Variants in SLCO1A2 observed in about 807,000 individuals in gnomAD.
SLCO1A2 encodes solute carrier organic anion transporter family member 1A2.
In SLCO1A2, 67 loss-of-function variants were observed where a neutral mutation model predicts 69.0. The observed-to-expected ratio is 0.97, with a 90% CI of 0.80 to 1.19. The LOEUF (loss-of-function observed/expected upper bound fraction) is 1.19. Ranked by LOEUF, SLCO1A2 falls within the 50% of genes most tolerant of loss-of-function variation. The pLI is 0.00. For missense variants in SLCO1A2, 787 were observed against 793.7 expected (o/e 0.99, Z 0.10); for synonymous variants, 260 against 265.9 (o/e 0.98, Z 0.22).
intron 5 of SLCO1A2, among the ~76,000 whole-genome samples, chr12:21,305,616 G>A (rs1016418359): frequency 6.6e-6 from 1 of 152,242 alleles, no homozygotes; most frequent in Non-Finnish European, 1.5e-5. Flanking sequence ...TCCTGGAGAT[G>A]TGCCAGAATG....
intron 2 of SLCO1A2, among the ~76,000 whole-genome samples, chr12:21,340,610 C>T (rs1953035436): frequency 1.3e-5 from 2 of 151,988 alleles, no homozygotes; most frequent in Admixed American, 1.3e-4. Flanking sequence ...CCAGTGACCA[C>T]ATGGAAAGTC....
intron 2 of SLCO1A2, among the ~76,000 whole-genome samples, chr12:21,329,465 T>C (rs6487216): frequency 0.31 from 47,645 of 151,608 alleles, 7,629 homozygotes; most frequent in East Asian, 0.35. Flanking sequence ...CATTTAGCAA[T>C]TACAGATAAC....
At chr12:21,401,442 G>A (rs564615882) in intron 1 of SLCO1A2, among the ~76,000 whole-genome samples, 2 of 151,636 alleles carry the variant, frequency 1.3e-5, no homozygotes, top group South Asian at 2.1e-4. Context: ...TTATATTGAA[G>A]GTCATCTTGC....
chr12:21,349,298 T>G (rs566263047), intron 2 of SLCO1A2, among the ~76,000 whole-genome samples: 1 of 152,222 alleles, frequency 6.6e-6, no homozygotes, highest in East Asian at 1.9e-4. Flanking sequence ...AGATAGAGAC[T>G]CTTAAGAGCA....
intron 2 of SLCO1A2, among the ~76,000 whole-genome samples, chr12:21,348,149 T>A (rs915685927): frequency 2.0e-5 from 3 of 152,188 alleles, no homozygotes; most frequent in African/African-American, 7.2e-5. Context: ...GTTTATGGGG[T>A]ACATGAGAAG....
intron 1 of SLCO1A2, among the ~76,000 whole-genome samples, chr12:21,390,739 T>C (rs1463848497): frequency 1.3e-5 from 2 of 152,302 alleles, no homozygotes; most frequent in South Asian, 2.1e-4. Flanking sequence ...TTGACTCAAA[T>C]AGGAGATATC....
intron 12 of SLCO1A2, among the ~76,000 whole-genome samples, chr12:21,291,824 C>A (rs1050889457): frequency 1.3e-5 from 2 of 152,082 alleles, no homozygotes; most frequent in African/African-American, 4.8e-5. Flanking sequence ...GAAATGGCTG[C>A]TAGGCACCCA....
chr12:21,357,361 CCAA>C (rs1283616598), intron 2 of SLCO1A2, among the ~76,000 whole-genome samples: 2 of 152,132 alleles, frequency 1.3e-5, no homozygotes, highest in African/African-American at 4.8e-5. Context: ...CTTCTCCAAA[CCAA>C]CAAGATTGCC....
At chr12:21,290,273 A>G (rs1946638494) in intron 12 of SLCO1A2, among the ~76,000 whole-genome samples, 1 of 152,052 alleles carries the variant, frequency 6.6e-6, no homozygotes, top group Non-Finnish European at 1.5e-5. Context: ...CAAGTAATCT[A>G]TGGAATCTAC....
At chr12:21,315,800 C>A (rs1340661349) in intron 3 of SLCO1A2, among the ~76,000 whole-genome samples, 1 of 152,118 alleles carries the variant, frequency 6.6e-6, no homozygotes, top group Non-Finnish European at 1.5e-5. Context: ...TGTTTGAAAT[C>A]CATATCTGTT....
chr12:21,308,617 TA>T (rs988555161), intron 4 of SLCO1A2, among the ~76,000 whole-genome samples: 1 of 152,090 alleles, frequency 6.6e-6, no homozygotes, highest in Non-Finnish European at 1.5e-5. Flanking sequence ...GGTATTAAGT[TA>T]AAAAAATCTA....
upstream of SLCO1A2, among the ~76,000 whole-genome samples, chr12:21,336,087 C>A (rs1952878290): frequency 6.6e-6 from 1 of 152,038 alleles, no homozygotes; most frequent in African/African-American, 2.4e-5. Context: ...GGTTATTGTT[C>A]TGAACTGCCC....
chr12:21,329,879 TATTTA>T (rs1952495554), intron 2 of SLCO1A2, among the ~76,000 whole-genome samples: 1 of 151,134 alleles, frequency 6.6e-6, no homozygotes, highest in African/African-American at 2.4e-5. Context: ...AAATAGGAGT[TATTTA>T]ATTTAACATA....
chr12:21,362,751 A>G (rs1939022235), intron 2 of SLCO1A2, among the ~76,000 whole-genome samples: 1 of 152,222 alleles, frequency 6.6e-6, no homozygotes, highest in African/African-American at 2.4e-5. Context: ...TTGCAATCCT[A>G]GTCTCTGATA....
At chr12:21,335,387 T>G (rs1170174723), upstream of SLCO1A2, among the ~76,000 whole-genome samples, 1 of 151,788 alleles carries the variant, frequency 6.6e-6, no homozygotes, top group East Asian at 1.9e-4. Context: ...CTATACGTAA[T>G]AGGTATAGAT....
Position 21,267,497 on chromosome 12 carries a change from G to A in SLCO1A2, c.*2051C>T, listed in dbSNP as rs982548250. On this transcript the variant is annotated 3_prime_UTR_variant, in exon 15 of 15. Transcript: ENST00000683939. ...ACTCACTGTTTCACCAACACTATCTGCCTTGAATCCGTAAGAACTAACCTC... is the reference window on the plus strand; with the variant it reads ...ACTCACTGTTTCACCAACACTATCTACCTTGAATCCGTAAGAACTAACCTC... 6.6e-6 allele frequency: 1 copy of A among 152,100 alleles called. No homozygotes were observed. The highest frequency in any genetic ancestry group is 1.5e-5 in the Non-Finnish European group (1 of 68,054). The allele number at this position is 152,100 out of a possible 1,614,324, so 9.4% of individuals were successfully genotyped here. A position where few individuals can be genotyped will look rare whatever the true frequency, so the allele number is the denominator to read the frequency against.
At chr12:21,390,807 AT>A (rs1941114372) in intron 1 of SLCO1A2, among the ~76,000 whole-genome samples, 2 of 152,178 alleles carry the variant, frequency 1.3e-5, no homozygotes, top group African/African-American at 4.8e-5. Flanking sequence ...ATATAAAAAA[AT>A]GAGATAAATT....
intron 2 of SLCO1A2, among the ~76,000 whole-genome samples, chr12:21,321,273 C>T (rs1951585331): frequency 6.6e-6 from 1 of 152,140 alleles, no homozygotes; most frequent in African/African-American, 2.4e-5. Flanking sequence ...TACTCCCTAC[C>T]CTTTTGCTAT....
At chr12:21,350,835 CAAAAAAAAAAAAAAA>C (rs11454466) in intron 2 of SLCO1A2, among the ~76,000 whole-genome samples, 3 of 40,732 alleles carry the variant, frequency 7.4e-5, no homozygotes, top group South Asian at 3.1e-3. Flanking sequence ...GACTCTGTCT[CAAAAAAAAAAAAAAA>C]AAAAAAAAAA....
Sources: allele counts gnomAD v4.1 joint callset (sites outside exome capture counted in the v4.1 genomes callset), GRCh38; gene constraint gnomAD v4.1.1; transcripts MANE v1.5; gene names NCBI Gene and HGNC (gene_info 2026-07-23, HGNC 2026-07-21).